The following NCK2 variants were observed in gnomAD, a reference collection of about 807,000 sequenced individuals.
NCK2 encodes NCK adaptor protein 2.
A neutral mutation model predicts 33.9 loss-of-function variants in NCK2; 16 were observed. The ratio of observed to expected loss-of-function variants is 0.47; its 90% confidence interval spans 0.32 to 0.72. The LOEUF is 0.72. NCK2 is among the 30% of genes least tolerant of loss of function. The probability of loss-of-function intolerance (pLI) is 0.03; values close to 1 mark genes in which losing one functional copy is unlikely to be tolerated. For synonymous variants in NCK2, 273 were observed against 239.9 expected, an observed-to-expected ratio of 1.14 and a Z score of -1.27; for missense variants, 418 against 537.3, an observed-to-expected ratio of 0.78 and a Z score of 2.19.
chr2:105,796,338 TTTATC>T (rs1691079963), intron 1 of NCK2, among the ~76,000 whole-genome samples: 1 of 152,194 alleles, frequency 6.6e-6, no homozygotes, highest in Non-Finnish European at 1.5e-5. Flanking sequence ...TTAGTGTCAG[TTTATC>T]TTATCTCTGT....
intron 3 of NCK2, among the ~76,000 whole-genome samples, chr2:105,870,440 T>C (rs1399052521): frequency 6.6e-6 from 1 of 152,172 alleles, no homozygotes; most frequent in Admixed American, 6.5e-5. Context: ...TGTTTCATTA[T>C]GGGGTATGCA....
chr2:105,873,284 T>G (rs1291692187), intron 3 of NCK2, among the ~76,000 whole-genome samples: 1 of 152,230 alleles, frequency 6.6e-6, no homozygotes. Flanking sequence ...CCTAAGATAC[T>G]GGCCCCAGTG....
At chr2:105,859,171 A>G (rs900626743) in intron 3 of NCK2, among the ~76,000 whole-genome samples, 6 of 152,086 alleles carry the variant, frequency 3.9e-5, no homozygotes, top group African/African-American at 1.4e-4. Flanking sequence ...TTTTTCAAAG[A>G]TTTTCCCTCA....
chr2:105,823,132 C>CTGTGTGTGTGTGTG lies in NCK2; in HGVS notation c.-17+6547_-17+6560dup, dbSNP rs10610689. Among the ~76,000 whole-genome samples, 32 of 148,632 alleles carry CTGTGTGTGTGTGTG rather than the reference C, an allele frequency of 2.2e-4. No homozygotes were observed. The East Asian group carries it at 2.2e-3, about 10-fold the overall frequency. ...CAGAAAAACAAAAAGTCCTCTCATGCTGTGTGTGTGTGTGTGTGTGTGTGT... is the reference window on the plus strand; with the variant it reads ...CAGAAAAACAAAAAGTCCTCTCATGCTGTGTGTGTGTGTGTGTGTGTGTGTGTGTGTGTGTGTGT... On this transcript the variant is annotated intron_variant, in intron 2 of 4. Coordinates refer to ENST00000233154, the MANE Select transcript of NCK2 (RefSeq NM_003581.5).
chr2:105,848,577 A>C (rs1214049268), intron 2 of NCK2: 1 of 152,172 alleles, frequency 6.6e-6, no homozygotes, highest in Non-Finnish European at 1.5e-5. Flanking sequence ...TGCTCCCGAG[A>C]ATAGCAGTGC....
At chr2:105,822,002 A>C (rs1489383429) in intron 2 of NCK2, among the ~76,000 whole-genome samples, 5 of 151,804 alleles carry the variant, frequency 3.3e-5, no homozygotes, top group Non-Finnish European at 1.5e-5. Flanking sequence ...TTAAACTGAA[A>C]TGTGAGGCTC....
intron 2 of NCK2, among the ~76,000 whole-genome samples, chr2:105,826,194 G>T (rs1675935222): frequency 6.6e-6 from 1 of 152,160 alleles, no homozygotes; most frequent in Non-Finnish European, 1.5e-5. Flanking sequence ...TCTTCACAGG[G>T]TGGCAAGAAG....
intron 1 of NCK2, among the ~76,000 whole-genome samples, chr2:105,756,106 C>T (rs1689592310): frequency 6.6e-6 from 1 of 152,212 alleles, no homozygotes. Flanking sequence ...TTAAAACAGG[C>T]CCTTACTTGA....
At chr2:105,890,196 G>A (rs552175034) in intron 4 of NCK2, among the ~76,000 whole-genome samples, 8 of 152,230 alleles carry the variant, frequency 5.3e-5, no homozygotes, top group South Asian at 2.1e-4. Flanking sequence ...CTCTTCTGCT[G>A]CGAAAATTTT....
intron 3 of NCK2, among the ~76,000 whole-genome samples, chr2:105,871,882 G>A (rs1558879959): frequency 1.3e-5 from 2 of 152,140 alleles, no homozygotes; most frequent in Admixed American, 6.5e-5. Flanking sequence ...TAGAGAGCGG[G>A]GAGGAAACTA....
intron 3 of NCK2, among the ~76,000 whole-genome samples, chr2:105,879,038 G>A (rs555191263): frequency 2.0e-4 from 31 of 152,188 alleles, no homozygotes; most frequent in Non-Finnish European, 4.1e-4. Flanking sequence ...GTTATAAAGT[G>A]TCTTTATAAC....
intron 1 of NCK2, among the ~76,000 whole-genome samples, chr2:105,757,122 AATGGCTC>A (rs1433891484): frequency 6.6e-6 from 1 of 152,120 alleles, no homozygotes; most frequent in Non-Finnish European, 1.5e-5. Context: ...GAACTTTATT[AATGGCTC>A]ATGTAAATCT....
intron 1 of NCK2, among the ~76,000 whole-genome samples, chr2:105,809,011 A>G (rs561514617): frequency 1.2e-4 from 19 of 152,354 alleles, no homozygotes; most frequent in African/African-American, 4.6e-4. Flanking sequence ...TCACAATTCA[A>G]ATGCAAAATG....
Position 105,881,833 on chromosome 2 carries a change from G to A in NCK2, c.732G>A (p.Val244=). 1 of 1,602,806 alleles carries A rather than the reference G, an allele frequency of 6.2e-7. No homozygotes were observed. The highest frequency in any genetic ancestry group is 8.5e-7 in the Non-Finnish European group (1 of 1,173,554). The change falls in exon 4 of 5, where the codon GTG becomes GTA. Residue 244 remains valine (V), a synonymous_variant. Coordinates refer to ENST00000233154, the MANE Select transcript of NCK2 (RefSeq NM_003581.5). ...AATGCAAAAATGCCCGGGGCCAGGT[G>A]GGCCTCGTCCCCAAAAACTACGTGG... is the stretch of plus-strand genomic sequence containing the variant. ...WWKCKNARGQ[V]GLVPKNYVVV... is the part of the protein sequence containing the mutation.
chr2:105,780,324 A>T (rs1213689815), intron 1 of NCK2, among the ~76,000 whole-genome samples: 2 of 104,890 alleles, frequency 1.9e-5, no homozygotes, highest in African/African-American at 1.3e-4. Flanking sequence ...AGAGAGATAT[A>T]TACACACACA....
chr2:105,833,606 A>C (rs1676279726), intron 2 of NCK2, among the ~76,000 whole-genome samples: 1 of 152,162 alleles, frequency 6.6e-6, no homozygotes, highest in Non-Finnish European at 1.5e-5. Context: ...TTCATAGTCT[A>C]GATAATTGGC....
At chr2:105,871,017 C>T (rs62148192) in intron 3 of NCK2, among the ~76,000 whole-genome samples, 1 of 151,948 alleles carries the variant, frequency 6.6e-6, no homozygotes. Context: ...TCATCGTGAT[C>T]CTGGCCTCCT....
chr2:105,827,488 C>G (rs1040014941), intron 2 of NCK2, among the ~76,000 whole-genome samples: 2 of 152,194 alleles, frequency 1.3e-5, no homozygotes, highest in Admixed American at 6.5e-5. Flanking sequence ...TAGGAACACT[C>G]ACCACCATCA....
At chr2:105,758,393 T>C (rs1389721931) in intron 1 of NCK2, among the ~76,000 whole-genome samples, 2 of 150,922 alleles carry the variant, frequency 1.3e-5, no homozygotes, top group African/African-American at 4.9e-5. Context: ...CCATTGTAGA[T>C]GTTTGTTTTT....
Sources: allele counts gnomAD v4.1 joint callset (sites outside exome capture counted in the v4.1 genomes callset), GRCh38; gene constraint gnomAD v4.1.1; transcripts MANE v1.5; gene names NCBI Gene and HGNC (gene_info 2026-07-23, HGNC 2026-07-21).